Variants in AGMO observed in about 807,000 individuals in gnomAD.
AGMO encodes the protein glyceryl-ether monooxygenase.
In AGMO, 75 loss-of-function variants were observed where a neutral mutation model predicts 60.2. The ratio of observed to expected loss-of-function variants is 1.25; its 90% CI spans 1.03 to 1.51. The LOEUF (loss-of-function observed/expected upper bound fraction) is 1.51, where lower values mean the gene tolerates loss of function less well. Ranked by LOEUF, AGMO falls within the 40% of genes most tolerant of loss-of-function variation. AGMO has a pLI of 0.00. For synonymous variants in AGMO, 261 were observed against 177.1 expected, an observed-to-expected ratio of 1.47 and a Z score of -3.76; for missense variants, 763 against 525.5, an observed-to-expected ratio of 1.45 and a Z score of -4.42.
the AGMO span, among the ~76,000 whole-genome samples, chr7:15,194,967 A>AATGTCTCT: frequency 6.6e-6 from 1 of 152,158 alleles, no homozygotes; most frequent in Non-Finnish European, 1.5e-5. Flanking sequence ...GCATTTGTCT[A>AATGTCTCT]ATGTCTCTGA....
At chr7:15,382,919 T>C (rs2128481969) in intron 10 of AGMO, among the ~76,000 whole-genome samples, 1 of 152,280 alleles carries the variant, frequency 6.6e-6, no homozygotes, top group South Asian at 2.1e-4. Context: ...TGTGATAACA[T>C]CTATTGTTAT....
chr7:15,157,106 T>C, the AGMO span, among the ~76,000 whole-genome samples: 3 of 152,192 alleles, frequency 2.0e-5, no homozygotes, highest in South Asian at 6.2e-4. Context: ...TACTTTATTA[T>C]TATTAATAAT....
chr7:15,341,392 C>G (rs1172744395), intron 12 of AGMO, among the ~76,000 whole-genome samples: 3 of 152,152 alleles, frequency 2.0e-5, no homozygotes, highest in Admixed American at 2.0e-4. Context: ...TTTGCTAAAG[C>G]ATTACAAGAG....
In AGMO at chr7:15,200,568, A is replaced by T. The variant is rs1781248180; in HGVS notation, c.*717T>A. On this transcript the variant is annotated 3_prime_UTR_variant, in exon 13 of 13. Coordinates refer to ENST00000342526, the MANE Select transcript of AGMO (RefSeq NM_001004320.2). ...GAGTGCAGTGGTGCAATCTCCACTCACTCCAACTTCTGCCTCCCAGGTTCA... is the reference window on the plus strand; with the variant it reads ...GAGTGCAGTGGTGCAATCTCCACTCTCTCCAACTTCTGCCTCCCAGGTTCA... 1 of 152,448 alleles carries T rather than the reference A, an allele frequency of 6.6e-6. No homozygotes were observed. Among genetic ancestry groups the T allele is most frequent in the Non-Finnish European group, 1.5e-5 (1 of 68,342 alleles). The allele number at this position is 152,448 out of a possible 1,614,324, so 9.4% of individuals were successfully genotyped here. A position where few individuals can be genotyped will look rare whatever the true frequency, so the allele number is the denominator to read the frequency against.
intron 3 of AGMO, among the ~76,000 whole-genome samples, chr7:15,459,959 T>C (rs530708941): frequency 6.6e-6 from 1 of 152,246 alleles, no homozygotes; most frequent in East Asian, 1.9e-4. Context: ...CATTGATAAT[T>C]CATTTACTGA....
chr7:15,206,489 C>T (rs75856101), intron 12 of AGMO, among the ~76,000 whole-genome samples: 1 of 152,022 alleles, frequency 6.6e-6, no homozygotes, highest in Non-Finnish European at 1.5e-5. Context: ...ACAATCACAG[C>T]TATGTTTAAT....
At chr7:15,208,182 A>C (rs937853579) in intron 12 of AGMO, among the ~76,000 whole-genome samples, 3 of 152,188 alleles carry the variant, frequency 2.0e-5, no homozygotes, top group Middle Eastern at 3.2e-3. Context: ...AATGCTACAG[A>C]AGAGTGACTT....
chr7:15,485,141 A>G (rs13238658), intron 3 of AGMO, among the ~76,000 whole-genome samples: 1 of 125,788 alleles, frequency 7.9e-6, no homozygotes, highest in Non-Finnish European at 1.6e-5. Flanking sequence ...TACTAAAAAT[A>G]CAAAAAAAAA....
chr7:15,257,049 G>A (rs1052692656), intron 12 of AGMO, among the ~76,000 whole-genome samples: 1 of 152,062 alleles, frequency 6.6e-6, no homozygotes, highest in Non-Finnish European at 1.5e-5. Flanking sequence ...CTTCTAAAAT[G>A]AAAGAATGAT....
chr7:15,248,179 C>CATATATATATACATATATAT (rs1554401206), intron 12 of AGMO, among the ~76,000 whole-genome samples: 13 of 32,660 alleles, frequency 4.0e-4, no homozygotes, highest in Non-Finnish European at 6.9e-4. Flanking sequence ...GATCCAGCAC[C>CATATATATATACATATATAT]ATATATATAT....
intron 10 of AGMO, among the ~76,000 whole-genome samples, chr7:15,381,699 C>T (rs760892929): frequency 7.9e-5 from 12 of 152,120 alleles, no homozygotes; most frequent in Admixed American, 1.3e-4. Context: ...ATAAATCATT[C>T]TTTTATAAAG....
At chr7:15,459,929 A>G (rs1025738886) in intron 3 of AGMO, among the ~76,000 whole-genome samples, 12 of 151,970 alleles carry the variant, frequency 7.9e-5, no homozygotes, top group African/African-American at 2.7e-4. Flanking sequence ...TGAGATTAAG[A>G]TTTATTAAGA....
intron 12 of AGMO, among the ~76,000 whole-genome samples, chr7:15,206,751 C>T (rs1781450165): frequency 6.6e-6 from 1 of 151,998 alleles, no homozygotes; most frequent in Admixed American, 6.5e-5. Flanking sequence ...TACTCATTTT[C>T]TAACAGGAGA....
rs184147761 is a variant in AGMO at position 15,403,857 on chromosome 7, G to A, written c.610-9678C>T. The stretch of plus-strand genomic sequence containing the variant: ...AAGTATTTAGACAGATGGTAGTGGC[G>A]GCCATATTAGCCTCTGATTTATCTG... On this transcript the variant is annotated intron_variant, in intron 5 of 12. Transcript: ENST00000342526. Among the ~76,000 whole-genome samples the A allele has an allele frequency of 4.1e-3, 620 of 151,982 alleles. 5 individuals carry two copies. Among genetic ancestry groups the A allele is most frequent in the African/African-American group, 0.014 (579 of 41,498 alleles).
intron 10 of AGMO, among the ~76,000 whole-genome samples, chr7:15,383,637 A>T (rs1181929583): frequency 6.6e-6 from 1 of 151,900 alleles, no homozygotes; most frequent in Non-Finnish European, 1.5e-5. Context: ...CCTAGATTAG[A>T]TTCATTTTTC....
At chr7:15,326,515 C>G (rs548976725) in intron 12 of AGMO, among the ~76,000 whole-genome samples, 3 of 152,178 alleles carry the variant, frequency 2.0e-5, no homozygotes, top group African/African-American at 7.2e-5. Context: ...GAAGGCCTCT[C>G]AAGGATGCTT....
the AGMO span, among the ~76,000 whole-genome samples, chr7:15,168,324 T>A: frequency 6.6e-6 from 1 of 151,968 alleles, no homozygotes; most frequent in Admixed American, 6.6e-5. Context: ...GAAAAAGCAA[T>A]GAAAAAATAA....
At chr7:15,378,358 G>A (rs1783535818) in intron 10 of AGMO, among the ~76,000 whole-genome samples, 2 of 152,132 alleles carry the variant, frequency 1.3e-5, no homozygotes, top group Admixed American at 6.5e-5. Flanking sequence ...TTAAAATAAT[G>A]TTAAAATTAA....
At position 15,259,899 on chromosome 7, in the gene AGMO, C is replaced by CAAAAAAAAAAAAA; in HGVS notation, c.1264-58553_1264-58541dup. ...TACCAAGCCAGCACTACAAGAACTGCAAAAAAAAAAAAAAAAAAAAAAAAA... is the reference window on the plus strand; with the variant it reads ...TACCAAGCCAGCACTACAAGAACTGCAAAAAAAAAAAAAAAAAAAAAAAAAAAAAAAAAAAAAA... On this transcript the variant is annotated intron_variant, in intron 12 of 12. Coordinates refer to ENST00000342526, the MANE Select transcript of AGMO (RefSeq NM_001004320.2). 5.8e-3 allele frequency among the ~76,000 whole-genome samples: 55 copies of CAAAAAAAAAAAAA among 9,412 alleles called. 5 individuals carry two copies. The highest frequency in any genetic ancestry group is 6.4e-3 in the Non-Finnish European group (37 of 5,794). 6.2% of individuals were successfully genotyped at this position (9,412 alleles called of 152,430 possible).
Sources: allele counts gnomAD v4.1 joint callset (sites outside exome capture counted in the v4.1 genomes callset), GRCh38; gene constraint gnomAD v4.1.1; transcripts MANE v1.5; gene names NCBI Gene and HGNC (gene_info 2026-07-23, HGNC 2026-07-21).